Variants in PCDHA13 observed in about 807,000 individuals in gnomAD.
PCDHA13 encodes the protein protocadherin alpha 13, also known as protocadherin alpha-13.
In PCDHA13, 54 loss-of-function variants were observed where a neutral mutation model predicts 64.8. That is an observed-to-expected ratio of 0.83 (90% confidence interval 0.67 to 1.04). The LOEUF (loss-of-function observed/expected upper bound fraction) is 1.04, where lower values mean the gene tolerates loss of function less well. Among genes scored for constraint, PCDHA13 ranks in the 50% least tolerant of loss-of-function variants. The pLI, the probability that PCDHA13 is intolerant of heterozygous loss-of-function variation, is 0.00. For synonymous variants in PCDHA13, 587 were observed against 564.4 expected (o/e 1.04, Z -0.57); for missense variants, 1,248 against 1,254.3 (o/e 0.99, Z 0.08).
chr5:141,009,745 A>G lies in PCDHA13; in HGVS notation c.2661A>G (p.Lys887=). The G allele has an allele frequency of 6.2e-7, 1 of 1,614,104 alleles. No individual in the cohort carries two copies. The highest frequency in any genetic ancestry group is 8.5e-7 in the Non-Finnish European group (1 of 1,180,006). The part of the protein sequence containing the change: ...KQSGPGELPD[K]FIIPGSPAII... ...CCGGTCCCGGTGAGTTGCCCGACAA[A>G]TTCATTATCCCAGGATCTCCTGCAA... Residue 887 remains lysine, a synonymous_variant, in exon 4 of 4, where the codon AAA becomes AAG. Coordinates refer to ENST00000289272, the MANE Select transcript of PCDHA13 (RefSeq NM_018904.3).
intron 1 of PCDHA13, chr5:140,928,138 A>G (rs1554205540): frequency 1.9e-6 from 3 of 1,614,190 alleles, no homozygotes; most frequent in South Asian, 1.1e-5. Context: ...AGTCCTGATC[A>G]CGGCCTCAGA....
At chr5:140,937,829 A>G (rs1305110198) in intron 1 of PCDHA13, among the ~76,000 whole-genome samples, 2 of 148,988 alleles carry the variant, frequency 1.3e-5, no homozygotes, top group African/African-American at 2.5e-5. Context: ...GGAGAATGGC[A>G]TGAACCTGGA....
chr5:140,906,023 G>A (rs952070346), intron 1 of PCDHA13, among the ~76,000 whole-genome samples: 7 of 152,128 alleles, frequency 4.6e-5, no homozygotes, highest in Admixed American at 3.3e-4. Flanking sequence ...ATCTCTCCAC[G>A]TTCTTCTGTC....
At chr5:140,953,540 T>C (rs1217393469) in intron 1 of PCDHA13, among the ~76,000 whole-genome samples, 1 of 152,174 alleles carries the variant, frequency 6.6e-6, no homozygotes, top group Non-Finnish European at 1.5e-5. Flanking sequence ...CACTTCATGC[T>C]GATTCTTTTC....
intron 1 of PCDHA13, among the ~76,000 whole-genome samples, chr5:140,939,244 A>AG: frequency 6.6e-6 from 1 of 152,270 alleles, no homozygotes; most frequent in Admixed American, 6.5e-5. Flanking sequence ...GGAGCAAGGT[A>AG]GCTCTCTGGA....
Position 140,883,522 on chromosome 5 carries a change from A to G in PCDHA13, c.1254A>G (p.Val418=). 6.2e-7 allele frequency: 1 copy of G among 1,614,220 alleles called. No individual in the cohort carries two copies. Among genetic ancestry groups the G allele is most frequent in the Middle Eastern group, 1.7e-4 (1 of 6,056 alleles). The change falls in exon 1 of 4, where the codon GTA becomes GTG. Residue 418 remains valine (V), a synonymous_variant. Transcript: ENST00000289272. ...VLDSALDRES[V]SAYELVVTAR... is the part of the protein sequence containing the mutation. ...ACAGCGCCCTGGACCGCGAGAGCGT[A>G]TCAGCCTATGAACTGGTGGTGACCG...
At chr5:140,911,822 C>A (rs2075653935) in intron 1 of PCDHA13, among the ~76,000 whole-genome samples, 1 of 152,104 alleles carries the variant, frequency 6.6e-6, no homozygotes. Context: ...CTCCAGAAAC[C>A]CCAAAACCAA....
intron 1 of PCDHA13, among the ~76,000 whole-genome samples, chr5:140,921,561 T>C (rs373696344): frequency 6.6e-6 from 1 of 152,194 alleles, no homozygotes; most frequent in South Asian, 2.1e-4. Context: ...AGCTCTATTA[T>C]GTTATAGTAG....
Position 140,883,003 on chromosome 5 carries a change from C to A in PCDHA13, c.735C>A (p.Ser245=). The change falls in exon 1 of 4, where the codon TCC becomes TCA. Residue 245 remains serine, a synonymous_variant. Transcript: ENST00000289272. ...ACAACGCCCCGGAATTTTACCAATC[C>A]GTTTATAAAGTGACGGTGTTAGAGA... ...VNDNAPEFYQ[S]VYKVTVLENA... 5 of 1,614,050 alleles carry A rather than the reference C, an allele frequency of 3.1e-6. No homozygotes were observed. The highest frequency in any genetic ancestry group is 4.2e-6 in the Non-Finnish European group (5 of 1,180,022).
intron 1 of PCDHA13, chr5:140,966,750 C>T: frequency 7.0e-7 from 1 of 1,428,438 alleles, no homozygotes; most frequent in African/African-American, 1.5e-5. Context: ...CGGCTGCCTC[C>T]GCCGCGGCCA....
intron 1 of PCDHA13, among the ~76,000 whole-genome samples, chr5:140,952,160 G>C (rs952147312): frequency 6.6e-6 from 1 of 152,044 alleles, no homozygotes; most frequent in Non-Finnish European, 1.5e-5. Flanking sequence ...GGCTTTGTGG[G>C]GTTCAGTTCC....
chr5:140,944,058 G>A (rs185843356), intron 1 of PCDHA13, among the ~76,000 whole-genome samples: 116 of 152,248 alleles, frequency 7.6e-4, no homozygotes, highest in African/African-American at 2.7e-3. Flanking sequence ...ATACAAAAAG[G>A]TTTCTTGTTA....
chr5:140,927,421 G>A, intron 1 of PCDHA13: 2 of 1,614,208 alleles, frequency 1.2e-6, no homozygotes, highest in South Asian at 1.1e-5. Flanking sequence ...GGGATCGCGG[G>A]TTGACGGCAG....
chr5:140,950,855 T>C (rs2094525829), intron 1 of PCDHA13, among the ~76,000 whole-genome samples: 2 of 152,102 alleles, frequency 1.3e-5, no homozygotes, highest in African/African-American at 4.8e-5. Context: ...TTCTTTCATA[T>C]TCTTGTATAT....
At chr5:140,917,070 G>A (rs528403297) in intron 1 of PCDHA13, among the ~76,000 whole-genome samples, 14 of 152,102 alleles carry the variant, frequency 9.2e-5, no homozygotes, top group Non-Finnish European at 1.9e-4. Context: ...ACAGCACCGA[G>A]TTTAATGTAA....
chr5:140,974,182 A>G (rs2096618692), intron 1 of PCDHA13, among the ~76,000 whole-genome samples: 1 of 152,248 alleles, frequency 6.6e-6, no homozygotes, highest in Non-Finnish European at 1.5e-5. Context: ...AACTTGACAA[A>G]TGCAAAGGAA....
chr5:140,992,381 T>C (rs890804495), intron 3 of PCDHA13, among the ~76,000 whole-genome samples: 5 of 152,200 alleles, frequency 3.3e-5, no homozygotes, highest in Admixed American at 1.3e-4. Context: ...TACATTATTG[T>C]GTTCTGGACT....
rs559093543 is a variant in PCDHA13 at position 140,936,623 on chromosome 5, A to G, written c.2395-42326A>G. Among the ~76,000 whole-genome samples, 3 of 152,312 alleles carry G rather than the reference A, an allele frequency of 2.0e-5. No individual in the cohort carries two copies. The East Asian group carries it at 5.8e-4, about 29-fold the overall frequency. On this transcript the variant is annotated intron_variant, in intron 1 of 3. Transcript: ENST00000289272. ...TTCCTCGCTGCTACTGTGCAGTGCT[A>G]CCTTTGTCATAAGCAACGTGACTTT...
At chr5:140,938,395 C>G (rs2092045479) in intron 1 of PCDHA13, among the ~76,000 whole-genome samples, 1 of 152,114 alleles carries the variant, frequency 6.6e-6, no homozygotes, top group African/African-American at 2.4e-5. Context: ...ATATGAAATA[C>G]ATTGTTTGAT....
Sources: allele counts gnomAD v4.1 joint callset (sites outside exome capture counted in the v4.1 genomes callset), GRCh38; gene constraint gnomAD v4.1.1; transcripts MANE v1.5; gene names NCBI Gene and HGNC (gene_info 2026-07-23, HGNC 2026-07-21).